Variants in RBFOX1 observed in about 807,000 individuals in gnomAD.
RBFOX1 encodes RNA binding protein fox-1 homolog 1.
In RBFOX1, 8 loss-of-function variants were observed where a neutral mutation model predicts 57.7. The observed-to-expected ratio is 0.14, with a 90% confidence interval of 0.08 to 0.25. RBFOX1 has a LOEUF of 0.25. RBFOX1 is among the 10% of genes least tolerant of loss of function. RBFOX1 has a pLI of 1.00. For missense variants in RBFOX1, 611 were observed against 548.5 expected (o/e 1.11, Z -1.14); for synonymous variants, 326 against 222.4 (o/e 1.47, Z -4.15).
At chr16:7,623,057 C>G (rs1213038036) in intron 10 of RBFOX1, among the ~76,000 whole-genome samples, 1 of 152,174 alleles carries the variant, frequency 6.6e-6, no homozygotes, top group African/African-American at 2.4e-5. Flanking sequence ...TTATGGCAAC[C>G]TCTTTGGCTT....
intron 3 of RBFOX1, among the ~76,000 whole-genome samples, chr16:7,025,725 C>A (rs1047048512): frequency 6.6e-6 from 1 of 151,998 alleles, no homozygotes; most frequent in African/African-American, 2.4e-5. Flanking sequence ...GTCAGGACAT[C>A]CTAGCTGAGC....
In RBFOX1 at chr16:5,947,437, G is replaced by A. The variant is rs1263247414; in HGVS notation, c.351+80102G>A. Among the ~76,000 whole-genome samples, 1 of 152,108 alleles carries A rather than the reference G, an allele frequency of 6.6e-6. No homozygotes were observed. Among genetic ancestry groups the A allele is most frequent in the East Asian group, 1.9e-4 (1 of 5,182 alleles). The stretch of plus-strand genomic sequence containing the variant: ...GACTGGAGTGCATTGGTATGATCAT[G>A]GCTCACTACAGCCTCGAAATCTTGT... On this transcript the variant is annotated intron_variant, in intron 4 of 19. Coordinates refer to the RBFOX1 transcript ENST00000641259. The surrounding 1 kb of genome is among the most constrained non-coding windows in gnomAD (Gnocchi z 7.2).
chr16:5,821,260 C>A (rs1425372231), intron 3 of RBFOX1, among the ~76,000 whole-genome samples: 1 of 145,320 alleles, frequency 6.9e-6, no homozygotes, highest in Non-Finnish European at 1.5e-5. Flanking sequence ...CCAGTTGGGG[C>A]GGGGAAGTGG....
At chr16:6,412,972 C>G (rs1043947668) in intron 2 of RBFOX1, among the ~76,000 whole-genome samples, 1 of 152,154 alleles carries the variant, frequency 6.6e-6, no homozygotes, top group African/African-American at 2.4e-5. Flanking sequence ...ACTCTTGCCT[C>G]AGATACTTTA....
chr16:5,942,506 G>T (rs1244117692), intron 4 of RBFOX1, among the ~76,000 whole-genome samples: 1 of 152,184 alleles, frequency 6.6e-6, no homozygotes, highest in Admixed American at 6.5e-5. Flanking sequence ...TGCAATTGGG[G>T]AAGTTATTAA....
intron 1 of RBFOX1, among the ~76,000 whole-genome samples, chr16:6,299,161 A>G (rs2078493897): frequency 6.6e-6 from 1 of 152,230 alleles, no homozygotes; most frequent in African/African-American, 2.4e-5. Context: ...CAGGCTGAAT[A>G]CTAGCACCAT....
intron 3 of RBFOX1, among the ~76,000 whole-genome samples, chr16:5,719,880 T>C (rs2051862212): frequency 1.3e-5 from 2 of 152,186 alleles, no homozygotes; most frequent in African/African-American, 4.8e-5. Context: ...AACACGTTTT[T>C]ATGTGGACGC....
At chr16:6,861,437 G>C (rs1603633543) in intron 3 of RBFOX1, among the ~76,000 whole-genome samples, 1 of 151,890 alleles carries the variant, frequency 6.6e-6, no homozygotes, top group Non-Finnish European at 1.5e-5. Context: ...ACTGCTAATT[G>C]CAAGGCCTGA....
intron 2 of RBFOX1, among the ~76,000 whole-genome samples, chr16:5,503,187 G>A (rs1182694181): frequency 1.3e-5 from 2 of 152,162 alleles, no homozygotes; most frequent in Non-Finnish European, 2.9e-5. Flanking sequence ...TAACATCTCT[G>A]TGCCACAGTG....
chr16:5,807,080 C>G (rs2055254575), intron 3 of RBFOX1, among the ~76,000 whole-genome samples: 1 of 152,194 alleles, frequency 6.6e-6, no homozygotes, highest in Admixed American at 6.5e-5. Context: ...ATGAGGCATT[C>G]AGGCTTTGGT....
Position 5,559,933 on chromosome 16 carries a change from C to T in RBFOX1, c.259-38969C>T, listed in dbSNP as rs1223198440. ...TTCTTCCTCACCCTCCACTTTGGGG[C>T]TTTCTTAACAGGATCTGTTTTTATC... On this transcript the variant is annotated intron_variant, in intron 2 of 2. Coordinates refer to the RBFOX1 transcript ENST00000585867. Among the ~76,000 whole-genome samples the T allele has an allele frequency of 7.2e-5, 11 of 152,274 alleles. No homozygotes were observed. In the East Asian group the frequency reaches 1.9e-3, roughly 27 times the overall value.
At chr16:7,542,511 G>A (rs2083221587) in intron 5 of RBFOX1, among the ~76,000 whole-genome samples, 1 of 151,678 alleles carries the variant, frequency 6.6e-6, no homozygotes, top group African/African-American at 2.4e-5. Flanking sequence ...AGAAAGAGAA[G>A]ACATGAAGGG....
intron 1 of RBFOX1, among the ~76,000 whole-genome samples, chr16:5,276,378 A>C (rs2063140600): frequency 6.6e-6 from 1 of 152,254 alleles, no homozygotes; most frequent in African/African-American, 2.4e-5. Context: ...ATGAATAGGC[A>C]GTTCCCAAAA....
At chr16:6,632,085 G>A (rs1227212873) in intron 2 of RBFOX1, among the ~76,000 whole-genome samples, 4 of 152,148 alleles carry the variant, frequency 2.6e-5, no homozygotes, top group Non-Finnish European at 4.4e-5. Context: ...GGAAGGAGGT[G>A]CTGGGTTTGG....
intron 4 of RBFOX1, among the ~76,000 whole-genome samples, chr16:7,197,589 C>G (rs184821731): frequency 9.9e-5 from 15 of 151,984 alleles, no homozygotes; most frequent in African/African-American, 3.4e-4. Context: ...TTTGCAGTAA[C>G]ATTGAAAACA....
In RBFOX1 at chr16:7,150,363, T is replaced by C. The variant is rs78673703; in HGVS notation, c.27+98265T>C. 7.9e-3 allele frequency among the ~76,000 whole-genome samples: 1,205 copies of C among 152,312 alleles called. 19 individuals carry two copies. Among genetic ancestry groups the C allele is most frequent in the African/African-American group, 0.027 (1,135 of 41,568 alleles). On this transcript the variant is annotated intron_variant, in intron 4 of 15. Transcript: ENST00000550418. ...TTAGACAGTGCCCACCCTACGTTAA[T>C]GCCCTATGATTTGAGATTATTTGAG...
chr16:7,606,603 A>C (rs2141235609), intron 9 of RBFOX1, among the ~76,000 whole-genome samples: 1 of 152,354 alleles, frequency 6.6e-6, no homozygotes, highest in Admixed American at 6.5e-5. Context: ...CTAAAGGGTC[A>C]GGATTCATTT....
At chr16:7,488,535 T>C (rs939403239) in intron 4 of RBFOX1, among the ~76,000 whole-genome samples, 2 of 151,536 alleles carry the variant, frequency 1.3e-5, no homozygotes, top group African/African-American at 2.4e-5. Flanking sequence ...TATCTACCTG[T>C]CATTCTGTCT....
chr16:7,484,352 G>T (rs535475920), intron 4 of RBFOX1, among the ~76,000 whole-genome samples: 1 of 152,212 alleles, frequency 6.6e-6, no homozygotes, highest in Non-Finnish European at 1.5e-5. Flanking sequence ...ATCCTTCAAA[G>T]TAGAAATGCT....
Sources: gnomAD v4.1 joint callset for allele counts (sites outside exome capture counted in the v4.1 genomes callset) on GRCh38, gnomAD v4.1.1 for gene constraint, Gnocchi (gnomAD v3.1) non-coding constraint, MANE v1.5 for transcripts, NCBI Gene and HGNC (gene_info 2026-07-23, HGNC 2026-07-21) for gene names.